GPBP1: variants seen among roughly 807,000 people sequenced by gnomAD.
The protein encoded by GPBP1 is vasculin.
GPBP1 carries 13 observed loss-of-function variants against 56.5 expected under a neutral mutation model. That is an observed-to-expected ratio of 0.23 (90% CI 0.15 to 0.37). The LOEUF is 0.37. GPBP1 is among the 10% of genes least tolerant of loss of function. The probability of loss-of-function intolerance (pLI) is 1.00; values close to 1 mark genes in which losing one functional copy is unlikely to be tolerated. For missense variants in GPBP1, 477 were observed against 572.3 expected (o/e 0.83, Z 1.70); for synonymous variants, 204 against 188.9 (o/e 1.08, Z -0.66).
In GPBP1 at chr5:57,237,316, G is replaced by T. The variant is rs369572046; in HGVS notation, c.478+1284G>T. On this transcript the variant is annotated intron_variant, in intron 6 of 11. Transcript: ENST00000506184. Reference sequence around the variant, plus strand: ...AATGAAAGTTTTAAAAATCAAGAATGCCAGTGAGCGTTTGTCATATAAAAC... The same window carrying T: ...AATGAAAGTTTTAAAAATCAAGAATTCCAGTGAGCGTTTGTCATATAAAAC... 1.1e-5 allele frequency: 7 copies of T among 665,348 alleles called. No homozygotes were observed. In the East Asian group the frequency reaches 1.9e-4, roughly 18 times the overall value. 41.2% of individuals were successfully genotyped at this position (665,348 alleles called of 1,614,324 possible).
rs566667322 is a variant in GPBP1, at chr5:57,203,705, A to G, written c.-57-10369A>G. Reference sequence around the variant, plus strand: ...CAGCTTAAGAGGTAAACTGAAGAGGATGGAGTCTAACAAATTTCAGATAAG... The same window carrying G: ...CAGCTTAAGAGGTAAACTGAAGAGGGTGGAGTCTAACAAATTTCAGATAAG... On this transcript the variant is annotated intron_variant, in intron 2 of 11. Coordinates refer to ENST00000506184, the MANE Select transcript of GPBP1 (RefSeq NM_022913.4). 7.2e-5 allele frequency among the ~76,000 whole-genome samples: 11 copies of G among 152,218 alleles called. 1 individual carries two copies. The South Asian group carries it at 2.1e-3, about 29-fold the overall frequency.
chr5:57,219,402 AACCAAAAAC>A (rs1755841106), intron 3 of GPBP1, among the ~76,000 whole-genome samples: 3 of 49,372 alleles, frequency 6.1e-5, no homozygotes, highest in African/African-American at 5.1e-4. Flanking sequence ...AAAAAAAAAA[AACCAAAAAC>A]AAACAAACAA....
chr5:57,216,743 G>A (rs1484033517), intron 3 of GPBP1, among the ~76,000 whole-genome samples: 3 of 152,136 alleles, frequency 2.0e-5, no homozygotes, highest in African/African-American at 4.8e-5. Flanking sequence ...AGGGCACATA[G>A]CAAATGAAGA....
In GPBP1 at chr5:57,251,062, G is replaced by A. The variant is rs1275904070; in HGVS notation, c.1081G>A (p.Val361Met). Reference protein sequence around the residue: ...EIPQENGNASVISQQIIRSST... With the variant: ...EIPQENGNASMISQQIIRSST... ...TCCTCAAGAGAATGGCAATGCCTCA[G>A]TGATTTCCCAGCAGATCATTCGGTC... Residue 361 changes from valine to methionine, a missense_variant, in exon 10 of 12, where the codon GTG (valine) becomes ATG (methionine). By Grantham distance (21) the Val-to-Met change is conservative. Transcript: ENST00000506184. 1 of 1,613,478 alleles carries A rather than the reference G, an allele frequency of 6.2e-7. No individual in the cohort carries two copies. Among genetic ancestry groups the A allele is most frequent in the Admixed American group, 1.7e-5 (1 of 59,942 alleles).
At chr5:57,210,355 A>C (rs779982607) in intron 2 of GPBP1, among the ~76,000 whole-genome samples, 1 of 152,188 alleles carries the variant, frequency 6.6e-6, no homozygotes, top group East Asian at 1.9e-4. Flanking sequence ...TCATACTAGC[A>C]GTATTTGTGT....
At chr5:57,225,922 T>C (rs902197876) in intron 3 of GPBP1, among the ~76,000 whole-genome samples, 2 of 152,262 alleles carry the variant, frequency 1.3e-5, no homozygotes, top group African/African-American at 4.8e-5. Flanking sequence ...TGTTTCGTTA[T>C]GATTAATAAC....
At chr5:57,253,782 A>T (rs1345318357) in intron 10 of GPBP1, among the ~76,000 whole-genome samples, 2 of 151,280 alleles carry the variant, frequency 1.3e-5, no homozygotes, top group Non-Finnish European at 2.9e-5. Flanking sequence ...TAAAAACAAA[A>T]AACAAAAAAA....
At chr5:57,180,663 A>C (rs1754002799) in intron 2 of GPBP1, among the ~76,000 whole-genome samples, 1 of 152,140 alleles carries the variant, frequency 6.6e-6, no homozygotes, top group South Asian at 2.1e-4. Context: ...TTTTGGCCTT[A>C]GTTTCTTCAT....
chr5:57,193,895 T>C (rs1434754276), intron 2 of GPBP1, among the ~76,000 whole-genome samples: 1 of 152,170 alleles, frequency 6.6e-6, no homozygotes, highest in South Asian at 2.1e-4. Context: ...ACAAAAGGTG[T>C]ACCACAAGAG....
intron 2 of GPBP1, among the ~76,000 whole-genome samples, chr5:57,181,617 C>T (rs558887979): frequency 1.2e-4 from 18 of 149,014 alleles, no homozygotes; most frequent in African/African-American, 4.2e-4. Context: ...GGGGGCGGTG[C>T]GGGGGCAGGG....
intron 5 of GPBP1, 74 bp from the exon 6 acceptor site, chr5:57,235,892 C>G (rs1756641985): frequency 9.7e-7 from 1 of 1,035,684 alleles, no homozygotes; most frequent in African/African-American, 1.6e-5. Context: ...TCAGTTACAA[C>G]ATGTATGATT....
At chr5:57,211,444 T>C (rs1489130399) in intron 2 of GPBP1, among the ~76,000 whole-genome samples, 2 of 152,338 alleles carry the variant, frequency 1.3e-5, no homozygotes, top group Non-Finnish European at 2.9e-5. Context: ...CCACTTCACT[T>C]CCCAGAGTGC....
At chr5:57,221,344 C>T in intron 3 of GPBP1, 2 of 1,490,392 alleles carry the variant, frequency 1.3e-6, no homozygotes, top group Non-Finnish European at 1.8e-6. Context: ...TAAATAATGC[C>T]AATTGTGACT....
intron 2 of GPBP1, among the ~76,000 whole-genome samples, chr5:57,181,208 G>A (rs1261928286): frequency 1.3e-5 from 2 of 152,074 alleles, no homozygotes; most frequent in African/African-American, 4.8e-5. Context: ...GGTGACATGC[G>A]CCTGTAGTCC....
intron 2 of GPBP1, among the ~76,000 whole-genome samples, chr5:57,186,744 T>G (rs1487724114): frequency 6.6e-6 from 1 of 152,108 alleles, no homozygotes; most frequent in Non-Finnish European, 1.5e-5. Context: ...ATTTTTAAAT[T>G]TTTTTGTGTG....
At chr5:57,179,468 C>G (rs1753944942) in intron 2 of GPBP1, among the ~76,000 whole-genome samples, 1 of 152,164 alleles carries the variant, frequency 6.6e-6, no homozygotes, top group African/African-American at 2.4e-5. Context: ...CTGCCTTGGC[C>G]TCTCAAAGTG....
At chr5:57,177,688 C>T (rs1203751401) in intron 2 of GPBP1, among the ~76,000 whole-genome samples, 1 of 113,988 alleles carries the variant, frequency 8.8e-6, no homozygotes, top group Non-Finnish European at 1.7e-5. Flanking sequence ...TAGTAGAGAC[C>T]TGGGTTTTCA....
intron 2 of GPBP1, among the ~76,000 whole-genome samples, chr5:57,205,474 CTT>C (rs1003127246): frequency 5.3e-5 from 8 of 151,968 alleles, no homozygotes; most frequent in Admixed American, 3.3e-4. Flanking sequence ...GCGTGTTTGA[CTT>C]TTTAAGGAAT....
intron 10 of GPBP1, among the ~76,000 whole-genome samples, chr5:57,256,896 T>A (rs1007093214): frequency 2.6e-5 from 4 of 152,110 alleles, no homozygotes; most frequent in Non-Finnish European, 4.4e-5. Context: ...ATTTTAGGGG[T>A]TTTTTTCCCT....
Sources: gnomAD v4.1 joint callset for allele counts (sites outside exome capture counted in the v4.1 genomes callset) on GRCh38, gnomAD v4.1.1 for gene constraint, MANE v1.5 for transcripts, NCBI Gene and HGNC (gene_info 2026-07-23, HGNC 2026-07-21) for gene names.